Variants in BTBD9 observed in about 807,000 individuals in gnomAD.
The protein encoded by BTBD9 is BTB/POZ domain-containing protein 9.
BTBD9 carries 49 observed loss-of-function variants against 64.3 expected under a neutral mutation model. That is an observed-to-expected ratio of 0.76 (90% CI 0.61 to 0.97). The LOEUF is 0.97. Ranked by LOEUF, BTBD9 falls within the 50% of genes least tolerant of loss-of-function variation. The pLI, the probability that BTBD9 is intolerant of heterozygous loss-of-function variation, is 0.00. For missense variants in BTBD9, 598 were observed against 762.1 expected (o/e 0.78, Z 2.53); for synonymous variants, 260 against 274.7 (o/e 0.95, Z 0.53).
chr6:38,185,485 C>G (rs146610273), intron 10 of BTBD9, among the ~76,000 whole-genome samples: 1 of 152,176 alleles, frequency 6.6e-6, no homozygotes, highest in Non-Finnish European at 1.5e-5. Flanking sequence ...GCAGTGGCCT[C>G]GATGTTACAG....
At chr6:38,581,350 T>C (rs1242183327) in intron 4 of BTBD9, among the ~76,000 whole-genome samples, 1 of 152,216 alleles carries the variant, frequency 6.6e-6, no homozygotes, top group Non-Finnish European at 1.5e-5. Flanking sequence ...GTTAGTTATA[T>C]ATGAATATGC....
chr6:38,571,506 G>C (rs966633253), intron 6 of BTBD9, among the ~76,000 whole-genome samples: 1 of 152,120 alleles, frequency 6.6e-6, no homozygotes, highest in Admixed American at 6.6e-5. Flanking sequence ...AATGAGGGGG[G>C]CCTAGAATGT....
chr6:38,463,657 T>C (rs1456921241), intron 6 of BTBD9, among the ~76,000 whole-genome samples: 1 of 152,216 alleles, frequency 6.6e-6, no homozygotes, highest in Non-Finnish European at 1.5e-5. Context: ...CTCAACTGTG[T>C]TCCTTCTACC....
At chr6:38,375,199 A>C (rs1765633842) in intron 6 of BTBD9, among the ~76,000 whole-genome samples, 2 of 152,358 alleles carry the variant, frequency 1.3e-5, no homozygotes, top group South Asian at 4.1e-4. Context: ...AATGTAAAGT[A>C]CTGACAATCA....
chr6:38,381,866 T>C (rs1049190685), intron 6 of BTBD9, among the ~76,000 whole-genome samples: 5 of 151,440 alleles, frequency 3.3e-5, no homozygotes, highest in African/African-American at 1.2e-4. Flanking sequence ...AATCCACGGG[T>C]CAAAGAAAAA....
At chr6:38,243,933 T>C (rs1382780736) in intron 9 of BTBD9, among the ~76,000 whole-genome samples, 2 of 152,156 alleles carry the variant, frequency 1.3e-5, no homozygotes, top group African/African-American at 2.4e-5. Context: ...TTCTCTGGGA[T>C]AGAGCTGAGC....
intron 6 of BTBD9, among the ~76,000 whole-genome samples, chr6:38,435,543 T>G (rs964044490): frequency 6.6e-5 from 10 of 151,336 alleles, no homozygotes; most frequent in Admixed American, 2.6e-4. Context: ...CCAAAAAAAC[T>G]CACAGACCTA....
chr6:38,517,013 C>T (rs1773059180), intron 6 of BTBD9, among the ~76,000 whole-genome samples: 1 of 152,150 alleles, frequency 6.6e-6, no homozygotes, highest in Admixed American at 6.5e-5. Flanking sequence ...AGAGGTTTTC[C>T]AAGTGTCCAG....
chr6:38,303,840 GAT>G (rs70981538), intron 7 of BTBD9, among the ~76,000 whole-genome samples: 10,159 of 75,108 alleles, frequency 0.14, 496 homozygotes, highest in Middle Eastern at 0.2. Flanking sequence ...TTAGTTGCTA[GAT>G]ATATATATAT....
Position 38,445,593 on chromosome 6 carries a change from G to A in BTBD9, c.1155-100500C>T, listed in dbSNP as rs144455859. Among the ~76,000 whole-genome samples the A allele has an allele frequency of 2.6e-5, 4 of 152,254 alleles. No homozygotes were observed. The East Asian group carries it at 7.7e-4, about 29-fold the overall frequency. On this transcript the variant is annotated intron_variant, in intron 6 of 10. Coordinates refer to ENST00000481247, the MANE Select transcript of BTBD9 (RefSeq NM_001099272.2). The stretch of plus-strand genomic sequence containing the variant: ...TCAAAGAATATGGGAGATTCTATCT[G>A]TTTATGAAACACATTCCTAAAATAG...
At chr6:38,564,646 T>G (rs1775403195) in intron 6 of BTBD9, among the ~76,000 whole-genome samples, 1 of 152,122 alleles carries the variant, frequency 6.6e-6, no homozygotes, top group Admixed American at 6.5e-5. Flanking sequence ...CCCAGCACTT[T>G]GGGAGGCCAA....
chr6:38,297,530 G>A (rs1212936124), intron 7 of BTBD9, among the ~76,000 whole-genome samples: 3 of 152,008 alleles, frequency 2.0e-5, no homozygotes. Context: ...ATGTATTACT[G>A]TTCGTTATTC....
intron 6 of BTBD9, among the ~76,000 whole-genome samples, chr6:38,447,961 C>T (rs1361079740): frequency 2.0e-5 from 3 of 152,170 alleles, no homozygotes; most frequent in Non-Finnish European, 4.4e-5. Flanking sequence ...AGCTTTAAAA[C>T]GGATCTCTGG....
At chr6:38,361,989 C>A (rs1481932349) in intron 6 of BTBD9, among the ~76,000 whole-genome samples, 1 of 152,138 alleles carries the variant, frequency 6.6e-6, no homozygotes, top group Non-Finnish European at 1.5e-5. Context: ...GAGGACCCAA[C>A]ACACCTCCAC....
intron 6 of BTBD9, among the ~76,000 whole-genome samples, chr6:38,574,998 G>T (rs956018943): frequency 6.6e-6 from 1 of 152,104 alleles, no homozygotes; most frequent in Non-Finnish European, 1.5e-5. Flanking sequence ...CATACATAAG[G>T]TATCATTTTT....
intron 7 of BTBD9, among the ~76,000 whole-genome samples, chr6:38,290,890 T>G (rs1286824795): frequency 3.3e-5 from 5 of 152,226 alleles, no homozygotes; most frequent in African/African-American, 1.2e-4. Flanking sequence ...GAAAGAGCAT[T>G]TAACAGACAG....
chr6:38,397,235 C>A (rs1389259440), intron 6 of BTBD9, among the ~76,000 whole-genome samples: 2 of 152,072 alleles, frequency 1.3e-5, no homozygotes, highest in Non-Finnish European at 2.9e-5. Context: ...AACGTAGCTA[C>A]TAGAAAATTT....
At chr6:38,548,390 A>G (rs1219855187) in intron 6 of BTBD9, among the ~76,000 whole-genome samples, 1 of 152,200 alleles carries the variant, frequency 6.6e-6, no homozygotes, top group Non-Finnish European at 1.5e-5. Flanking sequence ...TGAAAATTGA[A>G]ATCATCAGTA....
At chr6:38,329,215 TG>T (rs1379978707) in intron 7 of BTBD9, among the ~76,000 whole-genome samples, 4 of 152,158 alleles carry the variant, frequency 2.6e-5, no homozygotes. Flanking sequence ...TAAATAACAC[TG>T]TGCTGAACAT....
Sources: allele counts gnomAD v4.1 joint callset (sites outside exome capture counted in the v4.1 genomes callset), GRCh38; gene constraint gnomAD v4.1.1; transcripts MANE v1.5; gene names NCBI Gene and HGNC (gene_info 2026-07-23, HGNC 2026-07-21).